The following ITFG1 variants were observed in gnomAD, a reference collection of about 807,000 sequenced individuals.
ITFG1 encodes T-cell immunomodulatory protein.
Under a neutral mutation model 81.8 loss-of-function variants are expected in ITFG1, and 34 were observed. The ratio of observed to expected loss-of-function variants is 0.42; its 90% CI spans 0.32 to 0.55. The LOEUF is 0.55. Ranked by LOEUF, ITFG1 falls within the 20% of genes least tolerant of loss-of-function variation. The probability of loss-of-function intolerance (pLI) is 0.17; values close to 1 mark genes in which losing one functional copy is unlikely to be tolerated. For synonymous variants in ITFG1, 285 were observed against 270.6 expected (o/e 1.05, Z -0.52); for missense variants, 672 against 755.4 (o/e 0.89, Z 1.29).
intron 14 of ITFG1, among the ~76,000 whole-genome samples, chr16:47,193,858 A>C (rs1316791385): frequency 6.6e-6 from 1 of 152,232 alleles, no homozygotes; most frequent in African/African-American, 2.4e-5. Context: ...TGTAAAGAAC[A>C]ATTAAAAAAT....
At chr16:47,365,381 C>A (rs982629643) in intron 8 of ITFG1, among the ~76,000 whole-genome samples, 1 of 149,306 alleles carries the variant, frequency 6.7e-6, no homozygotes. Context: ...CATTAATCTG[C>A]TTTAAAATTA....
chr16:47,383,531 C>T (rs1489778239), intron 6 of ITFG1, among the ~76,000 whole-genome samples: 1 of 152,338 alleles, frequency 6.6e-6, no homozygotes, highest in South Asian at 2.1e-4. Flanking sequence ...TAGCTGCCTA[C>T]ACAAGCGCTA....
chr16:47,429,528 C>T (rs190384716), intron 5 of ITFG1, among the ~76,000 whole-genome samples: 5 of 152,270 alleles, frequency 3.3e-5, no homozygotes, highest in Non-Finnish European at 2.9e-5. Context: ...TTCCACTTCA[C>T]CATCTTACAT....
At position 47,245,438 on chromosome 16, in the gene ITFG1, T is replaced by A. The variant is rs1483019323; in HGVS notation, c.1331-7430A>T. On this transcript the variant is annotated intron_variant, in intron 12 of 17. Coordinates refer to ENST00000320640, the MANE Select transcript of ITFG1 (RefSeq NM_030790.5). ...ATTACTTCAACCCATAATTGCATGG[T>A]ATTCCATTTACGTGTGTGTGTATTT... Among the ~76,000 whole-genome samples, 4 of 152,306 alleles carry A rather than the reference T, an allele frequency of 2.6e-5. No individual in the cohort carries two copies. In the East Asian group the frequency reaches 5.8e-4, roughly 22 times the overall value.
At chr16:47,392,022 T>C (rs991601525) in intron 6 of ITFG1, among the ~76,000 whole-genome samples, 2 of 152,172 alleles carry the variant, frequency 1.3e-5, no homozygotes, top group African/African-American at 4.8e-5. Flanking sequence ...GTAAGTAAAA[T>C]AGGTCACACT....
intron 8 of ITFG1, among the ~76,000 whole-genome samples, chr16:47,323,320 T>C (rs1967477048): frequency 6.6e-6 from 1 of 152,082 alleles, no homozygotes; most frequent in Non-Finnish European, 1.5e-5. Context: ...GGATTTTATA[T>C]TTGGGAAGAA....
At chr16:47,342,498 A>C (rs1219975519) in intron 8 of ITFG1, among the ~76,000 whole-genome samples, 3 of 152,160 alleles carry the variant, frequency 2.0e-5, no homozygotes, top group Non-Finnish European at 2.9e-5. Context: ...AATTCTAGTC[A>C]GAGCAATTAG....
At position 47,155,731 on chromosome 16, in the gene ITFG1, A is replaced by C; in HGVS notation, c.1827T>G (p.Phe609Leu). Reference sequence around the variant, plus strand: ...TATTAAAGGCAAGTCACATAGCATCAAAATGAAACCGGTGGGCTTCTTGTC... The same window carrying C: ...TATTAAAGGCAAGTCACATAGCATCCAAATGAAACCGGTGGGCTTCTTGTC... ...EKRQEAHRFH[F>L]DAM Residue 609 changes from phenylalanine (F) to leucine (L), a missense_variant, in exon 18 of 18, where the codon TTT (phenylalanine) becomes TTG (leucine). Physicochemically the swap from Phe to Leu is conservative, Grantham distance 22. This residue lies in a region of ITFG1 where 65 missense variants were observed against 103.3 expected (regional missense o/e 0.63). Coordinates refer to ENST00000320640, the MANE Select transcript of ITFG1 (RefSeq NM_030790.5). 1 of 1,608,696 alleles carries C rather than the reference A, an allele frequency of 6.2e-7. No homozygotes were observed. Among genetic ancestry groups the C allele is most frequent in the African/African-American group, 1.3e-5 (1 of 74,830 alleles).
At chr16:47,319,836 T>A (rs1482413759) in intron 8 of ITFG1, among the ~76,000 whole-genome samples, 1 of 152,224 alleles carries the variant, frequency 6.6e-6, no homozygotes, top group Non-Finnish European at 1.5e-5. Flanking sequence ...AGTCAAAAAA[T>A]ATCTTAGTAT....
chr16:47,328,870 GC>G (rs1453826886), intron 8 of ITFG1, among the ~76,000 whole-genome samples: 1 of 152,042 alleles, frequency 6.6e-6, no homozygotes, highest in Admixed American at 6.6e-5. Flanking sequence ...CTAAAAATAA[GC>G]AAGAAACTGA....
At chr16:47,215,477 G>T (rs1965614636) in intron 14 of ITFG1, among the ~76,000 whole-genome samples, 2 of 152,072 alleles carry the variant, frequency 1.3e-5, no homozygotes, top group South Asian at 4.1e-4. Context: ...AAAATGCAAA[G>T]AAATATATAA....
chr16:47,344,905 CT>C (rs1159804588), intron 8 of ITFG1, among the ~76,000 whole-genome samples: 4 of 152,146 alleles, frequency 2.6e-5, no homozygotes, highest in African/African-American at 7.2e-5. Context: ...GGATCTCATT[CT>C]TTTTTATGAC....
At chr16:47,179,791 G>A (rs954893201) in intron 14 of ITFG1, among the ~76,000 whole-genome samples, 5 of 152,146 alleles carry the variant, frequency 3.3e-5, no homozygotes, top group African/African-American at 1.2e-4. Flanking sequence ...AGTATATGGG[G>A]AATTTGTGAG....
intron 13 of ITFG1, among the ~76,000 whole-genome samples, chr16:47,234,089 T>TA (rs1467043305): frequency 2.0e-5 from 3 of 151,958 alleles, no homozygotes; most frequent in African/African-American, 7.3e-5. Context: ...CAGCTTTCAA[T>TA]AAAAAATTAC....
intron 14 of ITFG1, among the ~76,000 whole-genome samples, chr16:47,174,056 AAAAAAC>A (rs554472756): frequency 4.1e-4 from 63 of 152,242 alleles, no homozygotes; most frequent in African/African-American, 1.4e-3. Flanking sequence ...AAAACAAAAC[AAAAAAC>A]AAAAACAAAC....
At chr16:47,439,033 C>A (rs148099484) in intron 5 of ITFG1, among the ~76,000 whole-genome samples, 12 of 151,926 alleles carry the variant, frequency 7.9e-5, no homozygotes, top group African/African-American at 2.9e-4. Context: ...AACTACGTGA[C>A]GAATGCACAA....
chr16:47,335,536 A>G (rs1967693604), intron 8 of ITFG1, among the ~76,000 whole-genome samples: 1 of 152,220 alleles, frequency 6.6e-6, no homozygotes, highest in African/African-American at 2.4e-5. Flanking sequence ...TTAAGATGTC[A>G]CACAATGGGT....
At chr16:47,341,644 A>T (rs1428542109) in intron 8 of ITFG1, among the ~76,000 whole-genome samples, 1 of 152,086 alleles carries the variant, frequency 6.6e-6, no homozygotes, top group Non-Finnish European at 1.5e-5. Context: ...AAAACGGGAT[A>T]GACAGACCAT....
chr16:47,174,229 A>C (rs756206763), intron 14 of ITFG1, among the ~76,000 whole-genome samples: 57 of 152,206 alleles, frequency 3.7e-4, no homozygotes, highest in Admixed American at 3.3e-3. Context: ...AATAATTCCC[A>C]TGCATTCTAT....
Sources: allele counts gnomAD v4.1 joint callset (sites outside exome capture counted in the v4.1 genomes callset), GRCh38; gene constraint gnomAD v4.1.1; regional missense constraint gnomAD v4.1.1; transcripts MANE v1.5; gene names NCBI Gene and HGNC (gene_info 2026-07-23, HGNC 2026-07-21).